Variants in ASIC2 observed in about 807,000 individuals in gnomAD.
ASIC2 encodes the protein acid-sensing ion channel 2.
In ASIC2, 25 loss-of-function variants were observed where a neutral mutation model predicts 57.3. The observed-to-expected ratio is 0.44, with a 90% CI of 0.32 to 0.61. The LOEUF is 0.61. Ranked by LOEUF, ASIC2 falls within the 20% of genes least tolerant of loss-of-function variation. The probability of loss-of-function intolerance (pLI) is 0.06; values close to 1 mark genes in which losing one functional copy is unlikely to be tolerated. For synonymous variants in ASIC2, 319 were observed against 307.5 expected (o/e 1.04, Z -0.39); for missense variants, 641 against 738.1 (o/e 0.87, Z 1.52).
chr17:33,258,992 G>A (rs374440302), intron 1 of ASIC2, among the ~76,000 whole-genome samples: 1 of 152,176 alleles, frequency 6.6e-6, no homozygotes, highest in African/African-American at 2.4e-5. Context: ...GTGAGAGAGC[G>A]AGGGTGTGTG....
intron 1 of ASIC2, chr17:34,037,773 C>G: frequency 6.2e-7 from 1 of 1,614,198 alleles, no homozygotes; most frequent in Non-Finnish European, 8.5e-7. Flanking sequence ...TTTCGGTAGG[C>G]CAAGCATCGT....
chr17:33,363,710 C>T (rs2141932982), intron 1 of ASIC2, among the ~76,000 whole-genome samples: 1 of 152,298 alleles, frequency 6.6e-6, no homozygotes, highest in East Asian at 1.9e-4. Flanking sequence ...GAGGAGAATC[C>T]AGAGAAAAGT....
At chr17:34,070,652 G>A (rs1598006446) in intron 1 of ASIC2, 2 of 152,324 alleles carry the variant, frequency 1.3e-5, no homozygotes, top group South Asian at 2.1e-4. Context: ...CTGCTCCTAC[G>A]AGGAATTGCT....
chr17:33,590,871 G>C (rs1354207595), intron 1 of ASIC2, among the ~76,000 whole-genome samples: 1 of 152,180 alleles, frequency 6.6e-6, no homozygotes, highest in African/African-American at 2.4e-5. Context: ...TCCAAGAGTT[G>C]GTTTCCAAAG....
chr17:33,253,260 C>A (rs1216319412), intron 1 of ASIC2, among the ~76,000 whole-genome samples: 1 of 152,142 alleles, frequency 6.6e-6, no homozygotes, highest in Non-Finnish European at 1.5e-5. Flanking sequence ...TGCCTTCCAG[C>A]CAGTATGAAC....
chr17:33,799,443 T>TTTCTTCCTTCC (rs1555562531), intron 1 of ASIC2, among the ~76,000 whole-genome samples: 1 of 78,530 alleles, frequency 1.3e-5, no homozygotes, highest in African/African-American at 5.3e-5. Flanking sequence ...TCTTTCTTTC[T>TTTCTTCCTTCC]TTCTTTCTTT....
intron 1 of ASIC2, among the ~76,000 whole-genome samples, chr17:33,951,977 C>T (rs1904590167): frequency 6.6e-6 from 1 of 152,142 alleles, no homozygotes; most frequent in African/African-American, 2.4e-5. Flanking sequence ...ACTGGTTACA[C>T]ACGTGTGATC....
In ASIC2 at chr17:33,205,694, A is replaced by T. The variant is rs536386143; in HGVS notation, c.708+85714T>A. On this transcript the variant is annotated intron_variant, in intron 1 of 9. Coordinates refer to ENST00000225823, the MANE Select transcript of ASIC2 (RefSeq NM_183377.2). ...GGCCTCTTGCTGGAGGCAGCCGGCC[A>T]TTCAGTTCTGGTTGGGTCCTGACAC... Among the ~76,000 whole-genome samples, 11 of 152,322 alleles carry T rather than the reference A, an allele frequency of 7.2e-5. No individual in the cohort carries two copies. The South Asian group carries it at 1.7e-3, about 23-fold the overall frequency.
At chr17:33,590,356 G>A (rs1904786122) in intron 1 of ASIC2, among the ~76,000 whole-genome samples, 1 of 152,102 alleles carries the variant, frequency 6.6e-6, no homozygotes, top group South Asian at 2.1e-4. Flanking sequence ...CTCTTTGTTA[G>A]GACCATTGTG....
intron 1 of ASIC2, among the ~76,000 whole-genome samples, chr17:33,488,789 C>T (rs577098515): frequency 1.5e-4 from 23 of 152,296 alleles, no homozygotes; most frequent in African/African-American, 5.5e-4. Context: ...GCATCTCCCA[C>T]CTCCACAGTG....
At chr17:33,049,127 C>T (rs553941455) in intron 3 of ASIC2, among the ~76,000 whole-genome samples, 3 of 152,320 alleles carry the variant, frequency 2.0e-5, no homozygotes, top group South Asian at 2.1e-4. Context: ...TCAGCTGTCC[C>T]TTTGTCTGTA....
chr17:33,449,859 C>A (rs745376130), intron 1 of ASIC2, among the ~76,000 whole-genome samples: 17 of 151,994 alleles, frequency 1.1e-4, no homozygotes, highest in African/African-American at 1.5e-4. Flanking sequence ...ACTCTAACCT[C>A]TGCTTCCCAG....
intron 1 of ASIC2, among the ~76,000 whole-genome samples, chr17:33,737,475 C>T (rs906370340): frequency 2.6e-5 from 4 of 152,222 alleles, no homozygotes; most frequent in Non-Finnish European, 4.4e-5. Context: ...CACATTTGAA[C>T]GGATTAGAAA....
intron 1 of ASIC2, among the ~76,000 whole-genome samples, chr17:33,579,310 G>A (rs1916789019): frequency 7.1e-6 from 1 of 140,966 alleles, no homozygotes; most frequent in Non-Finnish European, 1.5e-5. Context: ...AAAAATGCAG[G>A]TGGGTGACTC....
intron 1 of ASIC2, among the ~76,000 whole-genome samples, chr17:33,704,849 G>GA (rs914239959): frequency 6.6e-6 from 1 of 152,078 alleles, no homozygotes; most frequent in African/African-American, 2.4e-5. Flanking sequence ...AGAAAAATAG[G>GA]AAAAAACTAA....
intron 1 of ASIC2, among the ~76,000 whole-genome samples, chr17:33,164,053 A>G (rs929454915): frequency 5.3e-5 from 8 of 152,216 alleles, no homozygotes; most frequent in Admixed American, 2.0e-4. Context: ...ATGTCCCACA[A>G]TTATGATCCC....
chr17:34,127,581 C>G (rs1234221806), intron 1 of ASIC2, among the ~76,000 whole-genome samples: 1 of 152,124 alleles, frequency 6.6e-6, no homozygotes, highest in East Asian at 1.9e-4. Flanking sequence ...GTAGCAGAAT[C>G]GAGAGGGAAG....
chr17:33,255,311 A>C (rs1197833137), intron 1 of ASIC2, among the ~76,000 whole-genome samples: 1 of 152,078 alleles, frequency 6.6e-6, no homozygotes, highest in Non-Finnish European at 1.5e-5. Context: ...AAGTGCTGGG[A>C]TTATAGGTGT....
chr17:33,571,292 T>C (rs1463734624), intron 1 of ASIC2, among the ~76,000 whole-genome samples: 1 of 152,238 alleles, frequency 6.6e-6, no homozygotes, highest in Non-Finnish European at 1.5e-5. Context: ...CTGTCGCATA[T>C]TTTTCAGAGC....
Sources: allele counts gnomAD v4.1 joint callset (sites outside exome capture counted in the v4.1 genomes callset), GRCh38; gene constraint gnomAD v4.1.1; transcripts MANE v1.5; gene names NCBI Gene and HGNC (gene_info 2026-07-23, HGNC 2026-07-21).